Variants in ADAMTSL2 observed in about 807,000 individuals in gnomAD.
The protein encoded by ADAMTSL2 is ADAMTS-like protein 2.
ADAMTSL2 carries 55 observed loss-of-function variants against 117.0 expected under a neutral mutation model. The observed-to-expected ratio is 0.47, with a 90% CI of 0.38 to 0.59. The LOEUF (loss-of-function observed/expected upper bound fraction) is 0.59. Ranked by LOEUF, ADAMTSL2 falls within the 20% of genes least tolerant of loss-of-function variation. The pLI is 0.00. For synonymous variants in ADAMTSL2, 572 were observed against 566.4 expected, an observed-to-expected ratio of 1.01 and a Z score of -0.14; for missense variants, 1,182 against 1,354.5, an observed-to-expected ratio of 0.87 and a Z score of 2.00.
rs3793628 is a variant in ADAMTSL2, at chr9:133,539,572, T to C, written c.310-199T>C. On this transcript the variant is annotated intron_variant, in intron 4 of 18. Transcript: ENST00000651351. ...TGGCGTGGGGGGCGGAGCTGCCCTT[T>C]CCTGCGTCCTTGCTCCCTCCTGAGA... Among the ~76,000 whole-genome samples the C allele has an allele frequency of 0.71, 104,021 of 146,240 alleles. 35,792 individuals are homozygous for C. The highest frequency in any genetic ancestry group is 0.77 in the South Asian group (3,614 of 4,670).
chr9:133,569,761 T>G (rs1831061414), intron 16 of ADAMTSL2, among the ~76,000 whole-genome samples, 183 bp downstream of exon 16: 1 of 152,256 alleles, frequency 6.6e-6, no homozygotes, highest in Non-Finnish European at 1.5e-5. Flanking sequence ...GAAAACACCT[T>G]ACAAGTCCCC....
chr9:133,553,004 C>T (rs1830521749), intron 9 of ADAMTSL2, among the ~76,000 whole-genome samples: 1 of 152,304 alleles, frequency 6.6e-6, no homozygotes, highest in African/African-American at 2.4e-5. Flanking sequence ...CAGGACTGCC[C>T]TGACTGGGCG....
Position 133,562,873 on chromosome 9 carries a change from C to T in ADAMTSL2, c.1747+1578C>T, listed in dbSNP as rs1353095511. Reference sequence around the variant, plus strand: ...GCCAGGCTCGCACCGCTGTGGGAGGCGTGGTGGGCACCCGGCTTGGCCAGG... The same window carrying T: ...GCCAGGCTCGCACCGCTGTGGGAGGTGTGGTGGGCACCCGGCTTGGCCAGG... On this transcript the variant is annotated intron_variant, in intron 12 of 18. Coordinates refer to ENST00000651351, the MANE Select transcript of ADAMTSL2 (RefSeq NM_014694.4). 2.4e-5 allele frequency among the ~76,000 whole-genome samples: 3 copies of T among 125,564 alleles called. 1 individual carries two copies. Among genetic ancestry groups the T allele is most frequent in the Admixed American group, 2.3e-4 (3 of 12,998 alleles). 82.4% of individuals were successfully genotyped at this position (125,564 alleles called of 152,430 possible).
chr9:133,559,011 A>G (rs1830668576), intron 11 of ADAMTSL2, among the ~76,000 whole-genome samples: 1 of 152,170 alleles, frequency 6.6e-6, no homozygotes, highest in African/African-American at 2.4e-5. Context: ...TGAGTCAGGC[A>G]TGAGTCATGC....
intron 12 of ADAMTSL2, among the ~76,000 whole-genome samples, chr9:133,563,892 A>G (rs1378449656): frequency 2.5e-5 from 1 of 39,608 alleles, no homozygotes; most frequent in Non-Finnish European, 5.3e-5. Flanking sequence ...AGAGGGAGAG[A>G]GAGAGAGAAG....
intron 9 of ADAMTSL2, among the ~76,000 whole-genome samples, chr9:133,552,743 A>G (rs967466244): frequency 1.3e-5 from 2 of 152,118 alleles, no homozygotes; most frequent in Non-Finnish European, 2.9e-5. Context: ...CGGATGGCAG[A>G]TCCCTGGGGT....
At chr9:133,565,874 C>CACACACACACAT (rs1412659047) in intron 12 of ADAMTSL2, among the ~76,000 whole-genome samples, 12 of 151,838 alleles carry the variant, frequency 7.9e-5, no homozygotes, top group African/African-American at 2.7e-4. Flanking sequence ...CACACACACA[C>CACACACACACAT]AGCCACAGCA....
At chr9:133,555,532 G>A (rs1420543942) in intron 10 of ADAMTSL2, 26 bp from the exon 11 acceptor site, 9 of 1,612,748 alleles carry the variant, frequency 5.6e-6, no homozygotes, top group African/African-American at 2.7e-5. Flanking sequence ...ATGTGCCCAC[G>A]GTTGAGCCAC....
intron 12 of ADAMTSL2, among the ~76,000 whole-genome samples, chr9:133,564,861 T>C (rs1008949309): frequency 1.3e-5 from 2 of 152,052 alleles, no homozygotes; most frequent in Non-Finnish European, 1.5e-5. Flanking sequence ...GGATGTCCCA[T>C]GGATGGTCAT....
chr9:133,548,622 G>A (rs929615375), intron 9 of ADAMTSL2, among the ~76,000 whole-genome samples: 2 of 152,040 alleles, frequency 1.3e-5, no homozygotes, highest in African/African-American at 4.8e-5. Context: ...AACGGGCTTC[G>A]GCCAGCCCCC....
At chr9:133,559,167 G>A (rs1397692108) in intron 11 of ADAMTSL2, among the ~76,000 whole-genome samples, 3 of 152,192 alleles carry the variant, frequency 2.0e-5, no homozygotes, top group Non-Finnish European at 4.4e-5. Flanking sequence ...GAACTGGTCA[G>A]CACAGTTTAG....
chr9:133,569,475 T>G lies in ADAMTSL2; in HGVS notation c.2312T>G (p.Val771Gly). The G allele has an allele frequency of 1.2e-6, 2 of 1,613,396 alleles. No homozygotes were observed. Among genetic ancestry groups the G allele is most frequent in the South Asian group, 2.2e-5 (2 of 91,022 alleles). ...HVYCKTSDGR[V>G]VPESQCQMET... ...TACTGCAAGACCAGCGACGGACGGG[T>G]AGTACCTGAGTCCCAGTGCCAGATG... The change falls in exon 16 of 19, where the codon GTA becomes GGA. Residue 771 changes from valine to glycine, a missense_variant. Coordinates refer to ENST00000651351, the MANE Select transcript of ADAMTSL2 (RefSeq NM_014694.4).
At chr9:133,534,543 C>A, upstream of ADAMTSL2, 2 of 819,148 alleles carry the variant, frequency 2.4e-6, no homozygotes, top group Non-Finnish European at 3.3e-6. Context: ...CAGCAGCCAA[C>A]AGGCAGCTGG....
intron 12 of ADAMTSL2, among the ~76,000 whole-genome samples, chr9:133,564,649 G>GAGA (rs1830914540): frequency 1.4e-4 from 4 of 27,796 alleles, no homozygotes; most frequent in Non-Finnish European, 1.6e-4. Context: ...AGGGAGAGAG[G>GAGA]GAGAGAGGGA....
chr9:133,549,944 C>T (rs978585296), intron 9 of ADAMTSL2, among the ~76,000 whole-genome samples: 13 of 152,208 alleles, frequency 8.5e-5, no homozygotes, highest in Non-Finnish European at 1.3e-4. Context: ...CTGCTACTGC[C>T]CCTCCTGCAT....
At chr9:133,546,279 C>T (rs960394940) in intron 8 of ADAMTSL2, among the ~76,000 whole-genome samples, 1 of 151,924 alleles carries the variant, frequency 6.6e-6, no homozygotes, top group African/African-American at 2.4e-5. Context: ...CCATTTGTTT[C>T]CATCCTGAGC....
chr9:133,569,467 C>A lies in ADAMTSL2; in HGVS notation c.2304C>A (p.Asp768Glu). The part of the protein sequence containing the change: ...TIRHVYCKTS[D>E]GRVVPESQCQ... ...GGCACGTGTACTGCAAGACCAGCGA[C>A]GGACGGGTAGTACCTGAGTCCCAGT... is the stretch of plus-strand genomic sequence containing the variant. The change falls in exon 16 of 19, where the codon GAC (aspartate) becomes GAA (glutamate). Residue 768 changes from aspartate (D) to glutamate (E), a missense_variant. By Grantham distance (45) the Asp-to-Glu change is conservative. This residue lies in a region of ADAMTSL2 where 465 missense variants were observed against 565.3 expected (regional missense o/e 0.82). Transcript: ENST00000651351. 1 of 1,613,612 alleles carries A rather than the reference C, an allele frequency of 6.2e-7. No individual in the cohort carries two copies. The highest frequency in any genetic ancestry group is 1.1e-5 in the South Asian group (1 of 91,044).
chr9:133,564,527 A>G (rs1406256366), intron 12 of ADAMTSL2, among the ~76,000 whole-genome samples: 1 of 80,680 alleles, frequency 1.2e-5, no homozygotes, highest in Non-Finnish European at 2.4e-5. Context: ...AGGGAGAGAG[A>G]GAGAGACAGA....
chr9:133,569,801 C>T (rs1027815648), intron 16 of ADAMTSL2, among the ~76,000 whole-genome samples: 14 of 152,242 alleles, frequency 9.2e-5, no homozygotes, highest in African/African-American at 1.7e-4. Flanking sequence ...CTCAGTGGTA[C>T]GTGCAGAATT....
Sources: allele counts gnomAD v4.1 joint callset (sites outside exome capture counted in the v4.1 genomes callset), GRCh38; gene constraint gnomAD v4.1.1; regional missense constraint gnomAD v4.1.1; transcripts MANE v1.5; gene names NCBI Gene and HGNC (gene_info 2026-07-23, HGNC 2026-07-21).